The following SCN11A variants were observed in gnomAD, a reference collection of about 807,000 sequenced individuals.
The protein encoded by SCN11A is sodium voltage-gated channel alpha subunit 11.
A neutral mutation model predicts 162.2 loss-of-function variants in SCN11A; 122 were observed. That is an observed-to-expected ratio of 0.75 (90% CI 0.65 to 0.87). SCN11A has a LOEUF of 0.87. SCN11A is among the 40% of genes least tolerant of loss of function. The pLI is 0.00. For missense variants in SCN11A, 2,015 were observed against 2,181.6 expected (o/e 0.92, Z 1.52); for synonymous variants, 758 against 751.5 (o/e 1.01, Z -0.14).
chr3:38,882,375 G>A (rs2065323451), intron 22 of SCN11A, among the ~76,000 whole-genome samples: 1 of 152,118 alleles, frequency 6.6e-6, no homozygotes, highest in South Asian at 2.1e-4. Context: ...AGAACCCAAG[G>A]CTCCTGGGTT....
intron 2 of SCN11A, among the ~76,000 whole-genome samples, chr3:39,011,348 T>A (rs2031127832): frequency 6.6e-6 from 1 of 151,582 alleles, no homozygotes. Flanking sequence ...GTTCAGGAAG[T>A]AAGGCTTTGC....
chr3:39,032,391 G>A lies in SCN11A; in HGVS notation c.-291C>T, dbSNP rs938009386. Among the ~76,000 whole-genome samples, 9 of 152,152 alleles carry A rather than the reference G, an allele frequency of 5.9e-5. No homozygotes were observed. The East Asian group carries it at 1.3e-3, about 23-fold the overall frequency. On this transcript the variant is annotated 5_prime_UTR_variant, in exon 2 of 30. Transcript: ENST00000302328. ...ATGAAAACACTCACCGCTCCCCTCT[G>A]GTAAACAAGATGCCAACTCTAGGGT...
At chr3:38,922,528 T>C (rs1424725729) in intron 9 of SCN11A, among the ~76,000 whole-genome samples, 1 of 152,096 alleles carries the variant, frequency 6.6e-6, no homozygotes, top group Non-Finnish European at 1.5e-5. Flanking sequence ...TATATTCACC[T>C]GTGTGGAGAT....
At chr3:38,906,340 C>T (rs762860273) in intron 14 of SCN11A, among the ~76,000 whole-genome samples, 1 of 152,044 alleles carries the variant, frequency 6.6e-6, no homozygotes, top group African/African-American at 2.4e-5. Flanking sequence ...TTTCTGCTGC[C>T]CATCCCTCCC....
intron 2 of SCN11A, among the ~76,000 whole-genome samples, chr3:39,002,554 T>C (rs2030847500): frequency 1.3e-5 from 2 of 152,234 alleles, no homozygotes; most frequent in South Asian, 2.1e-4. Flanking sequence ...ACACAAACCA[T>C]GGAGGCTCCA....
intron 2 of SCN11A, among the ~76,000 whole-genome samples, chr3:39,026,863 G>A (rs1338575083): frequency 6.6e-6 from 1 of 152,244 alleles, no homozygotes; most frequent in African/African-American, 2.4e-5. Context: ...TAACTCAGCA[G>A]GATTCTTTCT....
At chr3:38,909,583 CTTTTTTTT>C (rs57060960) in intron 12 of SCN11A, among the ~76,000 whole-genome samples, 2 of 133,482 alleles carry the variant, frequency 1.5e-5, no homozygotes, top group African/African-American at 5.6e-5. Context: ...CTTGAAGTTT[CTTTTTTTT>C]TTTTTTTTTG....
intron 28 of SCN11A, among the ~76,000 whole-genome samples, chr3:38,851,879 G>A (rs943062128): frequency 7.9e-5 from 12 of 152,136 alleles, no homozygotes; most frequent in Non-Finnish European, 1.8e-4. Flanking sequence ...AGCAAGAACC[G>A]TCAGAGAATT....
Position 38,846,623 on chromosome 3 carries a change from C to T in SCN11A, c.*71G>A. The T allele has an allele frequency of 1.6e-6, 2 of 1,224,978 alleles. No individual in the cohort carries two copies. Among genetic ancestry groups the T allele is most frequent in the South Asian group, 1.3e-5 (1 of 77,096 alleles). 75.9% of individuals were successfully genotyped at this position (1,224,978 alleles called of 1,614,324 possible). A position where few individuals can be genotyped will look rare whatever the true frequency, so the allele number is the denominator to read the frequency against. ...ATCCACTCCCTGTTGATACACTAAG[C>T]TGCTGACCCCTGGAGCTCAGAGGCT... On this transcript the variant is annotated 3_prime_UTR_variant, in exon 30 of 30. Coordinates refer to ENST00000302328, the MANE Select transcript of SCN11A (RefSeq NM_001349253.2).
At chr3:38,879,551 A>G (rs986810003) in intron 23 of SCN11A, among the ~76,000 whole-genome samples, 2 of 152,176 alleles carry the variant, frequency 1.3e-5, no homozygotes, top group African/African-American at 4.8e-5. Flanking sequence ...GACAATTAAG[A>G]TGGATATTAG....
intron 2 of SCN11A, among the ~76,000 whole-genome samples, chr3:38,986,242 G>T (rs1217742869): frequency 1.3e-5 from 2 of 150,872 alleles, no homozygotes; most frequent in Non-Finnish European, 2.9e-5. Context: ...CCACACTGCT[G>T]CCAGAAGGAA....
intron 2 of SCN11A, among the ~76,000 whole-genome samples, chr3:38,975,483 T>C (rs1461853731): frequency 1.3e-5 from 2 of 152,104 alleles, no homozygotes; most frequent in Non-Finnish European, 2.9e-5. Context: ...AATTAAAGCA[T>C]TCTCAGATCC....
At chr3:38,867,227 A>G in intron 27 of SCN11A, 94 bp downstream of exon 27, 1 of 1,216,802 alleles carries the variant, frequency 8.2e-7, no homozygotes, top group Non-Finnish European at 1.2e-6. Flanking sequence ...CATAAAGGCT[A>G]CTTTGTATAA....
At chr3:39,015,664 T>C (rs148093118) in intron 2 of SCN11A, among the ~76,000 whole-genome samples, 2,681 of 152,352 alleles carry the variant, frequency 0.018, 36 homozygotes, top group Non-Finnish European at 0.026. Context: ...GTTTATTTAT[T>C]TCTCATAGAG....
chr3:38,867,558 CA>C (rs1350410512), intron 26 of SCN11A, 100 bp from the exon 27 acceptor site: 1 of 853,518 alleles, frequency 1.2e-6, no homozygotes, highest in African/African-American at 1.7e-5. Context: ...TTCTTAGCAG[CA>C]ACATTGACTA....
rs1434002501 is a variant in SCN11A, at chr3:38,900,012, T to C, written c.1904A>G (p.His635Arg). The C allele has an allele frequency of 1.9e-6, 3 of 1,613,928 alleles. No individual in the cohort carries two copies. In the African/African-American group the frequency reaches 4.0e-5, roughly 22 times the overall value. ...AATGTTCCAGCCTCGGCGAAAGTAG[T>C]GGTAGGGATCGAGCGCAATGATTTT... ...CLKIIALDPY[H>R]YFRRGWNIFD... The change falls in exon 17 of 30, where the codon CAC becomes CGC. Residue 635 changes from histidine (H) to arginine (R), a missense_variant. Coordinates refer to ENST00000302328, the MANE Select transcript of SCN11A (RefSeq NM_001349253.2).
At position 38,979,660 on chromosome 3, in the gene SCN11A, C is replaced by G. The variant is rs74790959; in HGVS notation, c.-279-19237G>C. 4.6e-3 allele frequency among the ~76,000 whole-genome samples: 695 copies of G among 152,292 alleles called. 37 individuals carry two copies. The East Asian group carries it at 0.11, about 23-fold the overall frequency. ...CAAAAAAATTTGATCATTTCTCTGC[C>G]AAGTCTGCATAGTGTTTCTCCAAAG... On this transcript the variant is annotated intron_variant, in intron 2 of 29. Coordinates refer to ENST00000302328, the MANE Select transcript of SCN11A (RefSeq NM_001349253.2).
At chr3:38,869,682 T>C (rs569165740) in intron 26 of SCN11A, among the ~76,000 whole-genome samples, 1 of 152,218 alleles carries the variant, frequency 6.6e-6, no homozygotes, top group East Asian at 1.9e-4. Flanking sequence ...CCACTTCTAC[T>C]GCTACTACAG....
At chr3:38,905,075 A>G (rs538629508) in intron 15 of SCN11A, 117 bp downstream of exon 15, 3 of 1,295,376 alleles carry the variant, frequency 2.3e-6, no homozygotes, top group Non-Finnish European at 2.2e-6. Context: ...AGGATGGTAC[A>G]GTGGGTTGGT....
Sources: allele counts gnomAD v4.1 joint callset (sites outside exome capture counted in the v4.1 genomes callset), GRCh38; gene constraint gnomAD v4.1.1; transcripts MANE v1.5; gene names NCBI Gene and HGNC (gene_info 2026-07-23, HGNC 2026-07-21).